The following GLRA1 variants were observed in gnomAD, a reference collection of about 807,000 sequenced individuals.
The protein encoded by GLRA1 is glycine receptor alpha 1.
A neutral mutation model predicts 48.3 loss-of-function variants in GLRA1; 37 were observed. The observed-to-expected ratio is 0.77, with a 90% CI of 0.59 to 1.01. GLRA1 has a LOEUF of 1.01. GLRA1 is among the 50% of genes least tolerant of loss of function. GLRA1 has a pLI of 0.00. For missense variants in GLRA1, 427 were observed against 571.0 expected (o/e 0.75, Z 2.57); for synonymous variants, 196 against 210.7 (o/e 0.93, Z 0.60).
At chr5:151,861,078 A>G (rs1753192491) in intron 3 of GLRA1, among the ~76,000 whole-genome samples, 1 of 152,226 alleles carries the variant, frequency 6.6e-6, no homozygotes, top group Non-Finnish European at 1.5e-5. Flanking sequence ...ATGGCTGCAT[A>G]GTATTCCATG....
intron 1 of GLRA1, among the ~76,000 whole-genome samples, chr5:151,916,048 T>C (rs2113459762): frequency 6.6e-6 from 1 of 152,336 alleles, no homozygotes; most frequent in Middle Eastern, 3.4e-3. Flanking sequence ...TCAAAGTGGC[T>C]GCATAAATAT....
chr5:151,856,479 T>C (rs1379181245), intron 4 of GLRA1, 96 bp from the exon 5 acceptor site: 1 of 787,764 alleles, frequency 1.3e-6, no homozygotes, highest in African/African-American at 1.7e-5. Flanking sequence ...TTGCCCAGGA[T>C]AGGGAAAGAA....
intron 1 of GLRA1, among the ~76,000 whole-genome samples, chr5:151,917,023 T>G (rs1037374534): frequency 6.6e-6 from 1 of 152,198 alleles, no homozygotes; most frequent in African/African-American, 2.4e-5. Context: ...AGAGACGATA[T>G]GTAGTGGAGT....
intron 1 of GLRA1, among the ~76,000 whole-genome samples, chr5:151,907,586 G>T (rs966156584): frequency 2.0e-5 from 3 of 152,240 alleles, no homozygotes; most frequent in Admixed American, 6.5e-5. Flanking sequence ...TCAAATATCA[G>T]ATGGGTTTGA....
intron 3 of GLRA1, among the ~76,000 whole-genome samples, chr5:151,860,502 A>G (rs1004539434): frequency 6.6e-6 from 1 of 152,348 alleles, no homozygotes; most frequent in East Asian, 1.9e-4. Flanking sequence ...AAAGGAAAAA[A>G]TCAAAGCTGA....
In GLRA1 at chr5:151,866,283, C is replaced by A. The variant is rs550104268; in HGVS notation, c.253-6275G>T. Among the ~76,000 whole-genome samples, 10 of 152,322 alleles carry A rather than the reference C, an allele frequency of 6.6e-5. No homozygotes were observed. The East Asian group carries it at 1.9e-3, about 29-fold the overall frequency. On this transcript the variant is annotated intron_variant, in intron 3 of 8. Transcript: ENST00000274576. ...ATGAGACCAAGGTAGAGCATTAACT[C>A]ATTCATTTGTTCATTCATTCATTCC...
In GLRA1 at chr5:151,886,774, C is replaced by T. The variant is rs142888296; in HGVS notation, c.199G>A (p.Val67Met). 3.3e-4 allele frequency: 538 copies of T among 1,612,940 alleles called. No individual in the cohort carries two copies. The highest frequency in any genetic ancestry group is 4.4e-4 in the Non-Finnish European group (515 of 1,178,914). Residue 67 changes from valine (V) to methionine (M), a missense_variant, in exon 3 of 9, where the codon GTG (valine) becomes ATG (methionine). Physicochemically the swap from Val to Met is conservative, Grantham distance 21 (BLOSUM62 1). This residue lies in a region of GLRA1 where 271 missense variants were observed against 434.9 expected (regional missense o/e 0.62). Transcript: ENST00000274576. ...RPNFKGPPVNVSCNIFINSFG... is the reference protein window; with the variant it reads ...RPNFKGPPVNMSCNIFINSFG... Reference sequence around the variant, plus strand: ...CTGTTGATGAAAATGTTGCAGCTCACGTTCACTGGGGGACCTGCCAATCAA... The same window carrying T: ...CTGTTGATGAAAATGTTGCAGCTCATGTTCACTGGGGGACCTGCCAATCAA...
At chr5:151,880,893 C>T (rs1753744716) in intron 3 of GLRA1, among the ~76,000 whole-genome samples, 1 of 152,218 alleles carries the variant, frequency 6.6e-6, no homozygotes, top group Non-Finnish European at 1.5e-5. Flanking sequence ...TAATACACTC[C>T]ATGCACATTC....
intron 7 of GLRA1, among the ~76,000 whole-genome samples, chr5:151,840,434 G>C (rs537743895): frequency 9.2e-5 from 14 of 151,848 alleles, no homozygotes; most frequent in South Asian, 4.2e-4. Flanking sequence ...AGTAACGGAG[G>C]AACAAAGACA....
At chr5:151,859,575 A>G (rs570559710) in intron 4 of GLRA1, among the ~76,000 whole-genome samples, 36 of 152,300 alleles carry the variant, frequency 2.4e-4, no homozygotes, top group African/African-American at 8.7e-4. Flanking sequence ...GTTATAATAA[A>G]TCATTGGCTC....
At chr5:151,913,546 A>G (rs1400462755) in intron 1 of GLRA1, among the ~76,000 whole-genome samples, 1 of 152,154 alleles carries the variant, frequency 6.6e-6, no homozygotes. Context: ...AAAACCTGGC[A>G]TTTTCAAGAG....
chr5:151,828,208 A>G (rs912805412), intron 8 of GLRA1, among the ~76,000 whole-genome samples: 1 of 152,190 alleles, frequency 6.6e-6, no homozygotes, highest in African/African-American at 2.4e-5. Context: ...AGAACAAGAT[A>G]TTTAAAATCC....
intron 3 of GLRA1, among the ~76,000 whole-genome samples, chr5:151,865,595 C>T (rs535594588): frequency 3.3e-5 from 5 of 152,224 alleles, no homozygotes; most frequent in Non-Finnish European, 5.9e-5. Flanking sequence ...ATTACATTTG[C>T]ATTTTATTAC....
In GLRA1 at chr5:151,822,887, C is replaced by A; in HGVS notation, c.1136G>T (p.Gly379Val). Residue 379 changes from glycine to valine, a missense_variant, in exon 9 of 9, where the codon GGC becomes GTC. This residue lies in a region of GLRA1 where 121 missense variants were observed against 96.5 expected (regional missense o/e 1.25). Transcript: ENST00000274576. ...MGPACLQAKD[G>V]ISVKGANNSN... is the part of the protein sequence containing the mutation. ...GTTGTTGGCGCCCTTGACTGAGATG[C>A]CATCCTTGGCCTGTAGACAGGCTGG... 1.2e-6 allele frequency: 2 copies of A among 1,614,014 alleles called. No individual in the cohort carries two copies. The highest frequency in any genetic ancestry group is 1.7e-6 in the Non-Finnish European group (2 of 1,179,952).
At chr5:151,829,105 C>T in intron 7 of GLRA1, 38 bp from the exon 8 acceptor site, 2 of 1,604,544 alleles carry the variant, frequency 1.2e-6, no homozygotes, top group Non-Finnish European at 1.7e-6. Context: ...GAGGTGAAAG[C>T]AGGGGAATGT....
At chr5:151,849,933 G>T in intron 7 of GLRA1, 1 of 1,555,656 alleles carries the variant, frequency 6.4e-7, no homozygotes, top group South Asian at 1.2e-5. Flanking sequence ...GCCATGTTTT[G>T]GGATACCTTC....
chr5:151,848,810 C>A, intron 7 of GLRA1: 1 of 444,682 alleles, frequency 2.2e-6, no homozygotes, highest in Non-Finnish European at 4.3e-6. Context: ...CTCTCCTCTC[C>A]TCTCCTCTCC....
At chr5:151,902,127 G>A (rs1460324839) in intron 1 of GLRA1, among the ~76,000 whole-genome samples, 6 of 152,248 alleles carry the variant, frequency 3.9e-5, no homozygotes, top group Non-Finnish European at 8.8e-5. Flanking sequence ...ATTGATAATC[G>A]TTTGCACACA....
intron 1 of GLRA1, among the ~76,000 whole-genome samples, chr5:151,911,081 G>C (rs1197214186): frequency 6.6e-6 from 1 of 152,214 alleles, no homozygotes; most frequent in Non-Finnish European, 1.5e-5. Context: ...GAGCAGGACT[G>C]GGCTGAGCCA....
Sources: gnomAD v4.1 joint callset for allele counts (sites outside exome capture counted in the v4.1 genomes callset) on GRCh38, gnomAD v4.1.1 for gene constraint, gnomAD v4.1.1 regional missense constraint, MANE v1.5 for transcripts, NCBI Gene and HGNC (gene_info 2026-07-23, HGNC 2026-07-21) for gene names.